PREX2: variants seen among roughly 807,000 people sequenced by gnomAD.
PREX2 encodes phosphatidylinositol-3,4,5-trisphosphate dependent Rac exchange factor 2.
In PREX2, 107 loss-of-function variants were observed where a neutral mutation model predicts 203.2. That is an observed-to-expected ratio of 0.53 (90% CI 0.45 to 0.62). PREX2 has a LOEUF of 0.62. Ranked by LOEUF, PREX2 falls within the 20% of genes least tolerant of loss-of-function variation. The pLI, the probability that PREX2 is intolerant of heterozygous loss-of-function variation, is 0.00. For synonymous variants in PREX2, 672 were observed against 663.6 expected (o/e 1.01, Z -0.19); for missense variants, 1,777 against 1,955.9 (o/e 0.91, Z 1.72).
intron 38 of PREX2, among the ~76,000 whole-genome samples, chr8:68,219,123 C>T (rs1812902787): frequency 6.6e-6 from 1 of 151,980 alleles, no homozygotes; most frequent in African/African-American, 2.4e-5. Flanking sequence ...TTGGGAAGCG[C>T]CATCTCAAAA....
chr8:68,115,630 A>G (rs1810639914), intron 25 of PREX2, 123 bp from the exon 26 acceptor site: 3 of 590,958 alleles, frequency 5.1e-6, no homozygotes, highest in Non-Finnish European at 8.4e-6. Flanking sequence ...TAGAATATTT[A>G]CTTGATATGA....
chr8:68,192,708 A>AC (rs11415505), intron 37 of PREX2, 183 bp downstream of exon 37: 269,618 of 495,360 alleles, frequency 0.54, 74,505 homozygotes, highest in Admixed American at 0.67. Context: ...ATTTAGTCAT[A>AC]CACATGAAGG....
Position 68,090,596 on chromosome 8 carries a change from G to C in PREX2, c.2131G>C (p.Ala711Pro). The change falls in exon 20 of 40, where the codon GCT becomes CCT. Residue 711 changes from alanine to proline, a missense_variant. Coordinates refer to ENST00000288368, the MANE Select transcript of PREX2 (RefSeq NM_024870.4). ...AVGRGTVAAA[A>P]GLHPGQCIIK... is the part of the protein sequence containing the mutation. ...ATTTATAGGAACTGTGGCTGCAGCA[G>C]CTGGTCTTCACCCTGGACAGTGCAT... 1 of 1,607,902 alleles carries C rather than the reference G, an allele frequency of 6.2e-7. No homozygotes were observed. Among genetic ancestry groups the C allele is most frequent in the Non-Finnish European group, 8.5e-7 (1 of 1,175,718 alleles).
At position 68,095,789 on chromosome 8, in the gene PREX2, A is replaced by G. The variant is rs574188049; in HGVS notation, c.2369-1228A>G. The stretch of plus-strand genomic sequence containing the variant: ...TTCCAGTAGCTGGGACTACATGCAC[A>G]TGCCACCATGCCCAGCTAATTTTTT... On this transcript the variant is annotated intron_variant, in intron 21 of 39. Transcript: ENST00000288368. 7.2e-5 allele frequency among the ~76,000 whole-genome samples: 11 copies of G among 152,074 alleles called. No individual in the cohort carries two copies. The East Asian group carries it at 1.9e-3, about 27-fold the overall frequency.
chr8:68,044,680 C>A (rs2129610896), intron 8 of PREX2, 90 bp downstream of exon 8: 3 of 900,726 alleles, frequency 3.3e-6, no homozygotes, highest in Non-Finnish European at 5.4e-6. Context: ...AATTCACCTG[C>A]CATGTATTAG....
intron 1 of PREX2, among the ~76,000 whole-genome samples, chr8:67,971,502 A>G (rs1209657907): frequency 1.3e-5 from 2 of 152,138 alleles, no homozygotes; most frequent in East Asian, 3.8e-4. Context: ...TGACATTAAT[A>G]TATATATTAA....
chr8:68,099,738 A>G lies in PREX2; in HGVS notation c.2610A>G (p.Leu870=). 2 of 1,614,026 alleles carry G rather than the reference A, an allele frequency of 1.2e-6. No individual in the cohort carries two copies. The highest frequency in any genetic ancestry group is 2.2e-5 in the East Asian group (1 of 44,872). Residue 870 remains leucine, a synonymous_variant, in exon 23 of 40, where the codon CTA becomes CTG. Coordinates refer to ENST00000288368, the MANE Select transcript of PREX2 (RefSeq NM_024870.4). ...DEHFVQNCTS[L]NSLNEVIPTD... The stretch of plus-strand genomic sequence containing the variant: ...ATTTTGTACAAAACTGTACCAGCCT[A>G]AATTCTCTAAATGAAGTGATTCCTA...
chr8:68,090,533 T>G (rs1399100264), intron 19 of PREX2, 46 bp from the exon 20 acceptor site: 4 of 1,545,130 alleles, frequency 2.6e-6, no homozygotes, highest in Non-Finnish European at 3.6e-6. Flanking sequence ...AAATGAATCT[T>G]ATTCCTGAAA....
chr8:68,211,313 T>C (rs1011389997), intron 37 of PREX2, among the ~76,000 whole-genome samples: 22 of 152,320 alleles, frequency 1.4e-4, no homozygotes, highest in Non-Finnish European at 2.6e-4. Flanking sequence ...ATTATTATAA[T>C]CTTATAACAT....
chr8:68,188,680 G>A (rs1282860710), intron 35 of PREX2, among the ~76,000 whole-genome samples: 4 of 152,168 alleles, frequency 2.6e-5, no homozygotes, highest in African/African-American at 9.7e-5. Flanking sequence ...GAGAGCTTGT[G>A]CAGGGGAACT....
rs796804194 is a variant in PREX2, at chr8:68,115,027, T to C, written c.3147-726T>C. Among the ~76,000 whole-genome samples, 203 of 120,472 alleles carry C rather than the reference T, an allele frequency of 1.7e-3. 1 individual carries two copies. Among genetic ancestry groups the C allele is most frequent in the South Asian group, 2.4e-3 (8 of 3,398 alleles). 79.0% of individuals were successfully genotyped at this position (120,472 alleles called of 152,430 possible). On this transcript the variant is annotated intron_variant, in intron 25 of 39. Transcript: ENST00000288368. The stretch of plus-strand genomic sequence containing the variant: ...TCTTTCTTTTCTTTTCTTTCTTTTT[T>C]TTTTTTTTTTTTTTTTTGAGTTGGA...
chr8:67,953,188 C>T (rs1391919391), intron 1 of PREX2, among the ~76,000 whole-genome samples: 1 of 131,540 alleles, frequency 7.6e-6, no homozygotes, highest in African/African-American at 2.9e-5. Flanking sequence ...CCGCCCCCCG[C>T]CCCGGCTTAA....
At chr8:68,228,757 C>T (rs1213454637) in intron 39 of PREX2, among the ~76,000 whole-genome samples, 4 of 145,936 alleles carry the variant, frequency 2.7e-5, no homozygotes, top group South Asian at 4.7e-4. Context: ...CAGAGCGAGA[C>T]TCCGTCTCTA....
chr8:68,230,306 C>G (rs1276081265), intron 39 of PREX2, among the ~76,000 whole-genome samples: 1 of 152,140 alleles, frequency 6.6e-6, no homozygotes, highest in Admixed American at 6.5e-5. Context: ...GATTGAATCA[C>G]CACAGCTAGT....
At chr8:68,130,872 G>T (rs538179958) in intron 31 of PREX2, among the ~76,000 whole-genome samples, 82 of 152,286 alleles carry the variant, frequency 5.4e-4, no homozygotes, top group African/African-American at 1.9e-3. Context: ...TACTTCCTTG[G>T]GGAGAGGGGA....
chr8:68,103,008 G>T (rs187937095), intron 23 of PREX2: 1 of 499,840 alleles, frequency 2.0e-6, no homozygotes, highest in Non-Finnish European at 4.0e-6. Flanking sequence ...TTTTACATTT[G>T]TTCTTCTGCT....
At chr8:68,033,867 A>G (rs1393557874) in intron 6 of PREX2, among the ~76,000 whole-genome samples, 2 of 152,064 alleles carry the variant, frequency 1.3e-5, no homozygotes, top group Non-Finnish European at 2.9e-5. Context: ...GAGATGCTGT[A>G]CTCTCCATTG....
chr8:67,954,139 T>C (rs867443467), intron 1 of PREX2, among the ~76,000 whole-genome samples: 1 of 152,338 alleles, frequency 6.6e-6, no homozygotes, highest in Middle Eastern at 3.4e-3. Flanking sequence ...ACTGTTAGTA[T>C]ATAGAGTTAG....
chr8:68,133,539 CTTATAA>C (rs1203979030), intron 31 of PREX2, among the ~76,000 whole-genome samples: 2 of 152,144 alleles, frequency 1.3e-5, no homozygotes, highest in Admixed American at 1.3e-4. Context: ...GACAGATTTG[CTTATAA>C]TTGCAAACAA....
Sources: gnomAD v4.1 joint callset for allele counts (sites outside exome capture counted in the v4.1 genomes callset) on GRCh38, gnomAD v4.1.1 for gene constraint, MANE v1.5 for transcripts, NCBI Gene and HGNC (gene_info 2026-07-23, HGNC 2026-07-21) for gene names.